The following RERE variants were observed in gnomAD, a reference collection of about 807,000 sequenced individuals.
The protein encoded by RERE is arginine-glutamic acid dipeptide repeats.
A neutral mutation model predicts 146.1 loss-of-function variants in RERE; 40 were observed. The ratio of observed to expected loss-of-function variants is 0.27; its 90% CI spans 0.21 to 0.36. The LOEUF (loss-of-function observed/expected upper bound fraction) is 0.36, where lower values mean the gene tolerates loss of function less well. Ranked by LOEUF, RERE falls within the 10% of genes least tolerant of loss-of-function variation. RERE has a pLI of 1.00. For missense variants in RERE, 1,933 were observed against 2,138.7 expected (o/e 0.90, Z 1.90); for synonymous variants, 1,003 against 866.0 (o/e 1.16, Z -2.78).
Position 8,676,834 on chromosome 1 carries a change from C to T in RERE, c.-144-20393G>A, listed in dbSNP as rs139847281. ...TGAATCTTTTTCTCCATTCAAAGCG[C>T]CCTCATTTGTCCTAGACCTCAGTTC... On this transcript the variant is annotated intron_variant, in intron 1 of 22. Transcript: ENST00000400908. Among the ~76,000 whole-genome samples, 6 of 152,348 alleles carry T rather than the reference C, an allele frequency of 3.9e-5. No homozygotes were observed. In the East Asian group the frequency reaches 1.2e-3, roughly 29 times the overall value.
chr1:8,640,193 G>A, intron 2 of RERE, among the ~76,000 whole-genome samples: 2 of 151,768 alleles, frequency 1.3e-5, no homozygotes, highest in Non-Finnish European at 2.9e-5. Flanking sequence ...TTGAAATTAT[G>A]CTAAAAATCT....
chr1:8,499,421 A>G (rs1159274979), intron 8 of RERE, among the ~76,000 whole-genome samples: 1 of 152,238 alleles, frequency 6.6e-6, no homozygotes, highest in Non-Finnish European at 1.5e-5. Flanking sequence ...GCAGGTGTGA[A>G]GAACTCAAGA....
rs377220852 is a variant in RERE, at chr1:8,779,006, C to G, written c.-145+38154G>C. ...GGATTACAGGCATGTACCACCATGC[C>G]TGGCTAATTTTTGTATTTTTAGTAG... On this transcript the variant is annotated intron_variant, in intron 1 of 22. Coordinates refer to ENST00000400908, the MANE Select transcript of RERE (RefSeq NM_001042681.2). 2.6e-5 allele frequency among the ~76,000 whole-genome samples: 4 copies of G among 151,718 alleles called. No individual in the cohort carries two copies. In the East Asian group the frequency reaches 6.0e-4, roughly 23 times the overall value.
At chr1:8,786,466 C>G (rs893770793) in intron 1 of RERE, 14 of 885,460 alleles carry the variant, frequency 1.6e-5, no homozygotes, top group Non-Finnish European at 2.6e-5. Flanking sequence ...CTTGCCATAA[C>G]CACGCTTGTA....
intron 6 of RERE, among the ~76,000 whole-genome samples, chr1:8,549,968 A>G (rs1486677695): frequency 6.6e-6 from 1 of 152,222 alleles, no homozygotes; most frequent in Non-Finnish European, 1.5e-5. Flanking sequence ...GAAATAATTA[A>G]ATGCAATGTG....
At chr1:8,743,717 G>A (rs1171895283) in intron 1 of RERE, among the ~76,000 whole-genome samples, 1 of 152,002 alleles carries the variant, frequency 6.6e-6, no homozygotes, top group African/African-American at 2.4e-5. Flanking sequence ...TACCAAGACT[G>A]ATCTTTCCTT....
At chr1:8,730,922 A>G (rs146014343) in intron 1 of RERE, among the ~76,000 whole-genome samples, 32 of 152,322 alleles carry the variant, frequency 2.1e-4, no homozygotes, top group African/African-American at 7.7e-4. Context: ...TCAGTTCAGA[A>G]GTCATCATTC....
At chr1:8,568,760 C>T (rs1646182455) in intron 4 of RERE, among the ~76,000 whole-genome samples, 1 of 152,140 alleles carries the variant, frequency 6.6e-6, no homozygotes. Context: ...AAGACTAAGA[C>T]ATGGCTATCA....
intron 1 of RERE, among the ~76,000 whole-genome samples, chr1:8,682,530 G>A (rs1254359405): frequency 6.6e-6 from 1 of 152,136 alleles, no homozygotes; most frequent in East Asian, 1.9e-4. Flanking sequence ...TTCTCAAAAT[G>A]ATTGGGACCA....
chr1:8,583,338 A>C (rs1044849397), intron 4 of RERE, among the ~76,000 whole-genome samples: 2 of 152,228 alleles, frequency 1.3e-5, no homozygotes, highest in Non-Finnish European at 2.9e-5. Context: ...TGGAAGGGAT[A>C]AACTACCATC....
chr1:8,432,967 C>T (rs1252526876), intron 11 of RERE, among the ~76,000 whole-genome samples: 1 of 152,164 alleles, frequency 6.6e-6, no homozygotes, highest in Non-Finnish European at 1.5e-5. Flanking sequence ...TCTTAAGATA[C>T]TTTAAAGGAA....
chr1:8,459,295 T>A (rs985586802), intron 11 of RERE, among the ~76,000 whole-genome samples: 2 of 152,232 alleles, frequency 1.3e-5, no homozygotes, highest in Non-Finnish European at 2.9e-5. Context: ...TGGAGTAATA[T>A]GTACATACGT....
At chr1:8,682,999 A>G (rs573400641) in intron 1 of RERE, among the ~76,000 whole-genome samples, 81 of 145,962 alleles carry the variant, frequency 5.5e-4, no homozygotes, top group Non-Finnish European at 1.0e-3. Context: ...GTTAGACTCC[A>G]TAATTTACCA....
At chr1:8,778,015 T>C (rs143002751) in intron 1 of RERE, among the ~76,000 whole-genome samples, 251 of 152,252 alleles carry the variant, frequency 1.6e-3, no homozygotes, top group Non-Finnish European at 2.6e-3. Context: ...AAATTAGTAA[T>C]ACCATCTACC....
intron 11 of RERE, among the ~76,000 whole-genome samples, chr1:8,459,170 T>C (rs1048245012): frequency 3.3e-5 from 5 of 152,210 alleles, no homozygotes; most frequent in Admixed American, 1.3e-4. Context: ...ATAGGAAAAA[T>C]AGTCCAATTT....
intron 12 of RERE, among the ~76,000 whole-genome samples, chr1:8,403,459 G>A (rs1230761548): frequency 2.1e-5 from 3 of 146,176 alleles, no homozygotes; most frequent in African/African-American, 5.1e-5. Context: ...CCTGCTTCTC[G>A]GGTTCAAGTG....
chr1:8,739,500 CTT>C (rs1408785769), intron 1 of RERE, among the ~76,000 whole-genome samples: 3 of 152,230 alleles, frequency 2.0e-5, no homozygotes, highest in Non-Finnish European at 2.9e-5. Flanking sequence ...ACTGGCCTCT[CTT>C]GGAACCAGCA....
chr1:8,722,311 A>ACATCC (rs1639879204), intron 1 of RERE, among the ~76,000 whole-genome samples: 2 of 152,246 alleles, frequency 1.3e-5, no homozygotes, highest in East Asian at 3.8e-4. Flanking sequence ...AATTCTGGTA[A>ACATCC]CATCCCTTTT....
At chr1:8,649,090 G>A (rs986677325) in intron 2 of RERE, among the ~76,000 whole-genome samples, 11 of 152,054 alleles carry the variant, frequency 7.2e-5, no homozygotes, top group Non-Finnish European at 1.2e-4. Context: ...AAATTAATAT[G>A]CCACCTACAG....
Sources: gnomAD v4.1 joint callset for allele counts (sites outside exome capture counted in the v4.1 genomes callset) on GRCh38, gnomAD v4.1.1 for gene constraint, MANE v1.5 for transcripts, NCBI Gene and HGNC (gene_info 2026-07-23, HGNC 2026-07-21) for gene names.